Variants in CRY1 observed in about 807,000 individuals in gnomAD.
CRY1 encodes cryptochrome-1.
Under a neutral mutation model 76.0 loss-of-function variants are expected in CRY1, and 45 were observed. The observed-to-expected ratio is 0.59, with a 90% CI of 0.47 to 0.76. The LOEUF is 0.76. Ranked by LOEUF, CRY1 falls within the 30% of genes least tolerant of loss-of-function variation. The pLI is 0.00. For synonymous variants in CRY1, 248 were observed against 244.0 expected, an observed-to-expected ratio of 1.02 and a Z score of -0.15; for missense variants, 587 against 716.4, an observed-to-expected ratio of 0.82 and a Z score of 2.06.
At chr12:106,992,644 T>C in intron 12 of CRY1, 143 bp downstream of exon 12, 1 of 723,356 alleles carries the variant, frequency 1.4e-6, no homozygotes, top group South Asian at 1.9e-5. Flanking sequence ...AAAAATTAAC[T>C]GAGTTTGTAA....
chr12:107,075,540 T>TGCGGG (rs1478122334), intron 1 of CRY1, among the ~76,000 whole-genome samples: 1 of 152,160 alleles, frequency 6.6e-6, no homozygotes, highest in Non-Finnish European at 1.5e-5. Context: ...AATATCAGTC[T>TGCGGG]GCGGGTGTAA....
intron 1 of CRY1, among the ~76,000 whole-genome samples, chr12:107,025,300 T>C (rs1206481602): frequency 6.6e-6 from 1 of 152,232 alleles, no homozygotes; most frequent in African/African-American, 2.4e-5. Flanking sequence ...GTTTAATACA[T>C]GGTGAACGTC....
intron 1 of CRY1, among the ~76,000 whole-genome samples, chr12:107,045,377 C>T (rs1401756524): frequency 6.6e-6 from 1 of 152,104 alleles, no homozygotes; most frequent in Admixed American, 6.6e-5. Flanking sequence ...TTCTCAAGGG[C>T]AGCCGGGTGC....
chr12:107,064,116 G>A lies in CRY1; in HGVS notation c.158+28688C>T, dbSNP rs138826082. 1.9e-3 allele frequency among the ~76,000 whole-genome samples: 289 copies of A among 152,188 alleles called. 2 individuals carry two copies. Among genetic ancestry groups the A allele is most frequent in the Non-Finnish European group, 3.6e-3 (248 of 68,008 alleles). On this transcript the variant is annotated intron_variant, in intron 1 of 12. Coordinates refer to ENST00000008527, the MANE Select transcript of CRY1 (RefSeq NM_004075.5). ...TGTAATTATAGAAATATTCTATTACGACCGGGATGGAATACTATTCGACCT... is the reference window on the plus strand; with the variant it reads ...TGTAATTATAGAAATATTCTATTACAACCGGGATGGAATACTATTCGACCT...
intron 1 of CRY1, among the ~76,000 whole-genome samples, chr12:107,060,159 T>C (rs575203742): frequency 2.4e-4 from 36 of 152,236 alleles, no homozygotes; most frequent in Non-Finnish European, 4.4e-4. Context: ...TCTCATTTAA[T>C]ACTCAAACAA....
At chr12:107,088,539 A>G (rs1953430606) in intron 1 of CRY1, among the ~76,000 whole-genome samples, 2 of 152,226 alleles carry the variant, frequency 1.3e-5, no homozygotes, top group South Asian at 4.1e-4. Flanking sequence ...CCCTTCTGCC[A>G]TGTGAGGAGA....
intron 1 of CRY1, among the ~76,000 whole-genome samples, chr12:107,073,305 G>C (rs1301246200): frequency 6.6e-6 from 1 of 151,354 alleles, no homozygotes; most frequent in Non-Finnish European, 1.5e-5. Context: ...GCGTGATCTC[G>C]GCTCACTGCA....
intron 1 of CRY1, among the ~76,000 whole-genome samples, chr12:107,072,772 T>C (rs906529471): frequency 6.6e-6 from 1 of 152,232 alleles, no homozygotes; most frequent in Non-Finnish European, 1.5e-5. Flanking sequence ...TTGTATTTCT[T>C]ATCTTCTTAT....
intron 2 of CRY1, among the ~76,000 whole-genome samples, chr12:107,012,696 T>C (rs1198750326): frequency 6.6e-6 from 1 of 152,152 alleles, no homozygotes; most frequent in Non-Finnish European, 1.5e-5. Context: ...GCAAAGTAAA[T>C]TGAAAATCTT....
At chr12:107,067,085 A>T (rs1480786108) in intron 1 of CRY1, among the ~76,000 whole-genome samples, 2 of 152,164 alleles carry the variant, frequency 1.3e-5, no homozygotes, top group African/African-American at 2.4e-5. Flanking sequence ...GACTCAATAA[A>T]ACAAATAGGA....
intron 1 of CRY1, among the ~76,000 whole-genome samples, chr12:107,022,594 G>GA: frequency 6.6e-6 from 1 of 150,814 alleles, no homozygotes. Flanking sequence ...CTGCTGGGGG[G>GA]AAAAAACCAG....
chr12:107,075,454 T>C (rs766498913), intron 1 of CRY1, among the ~76,000 whole-genome samples: 1 of 152,128 alleles, frequency 6.6e-6, no homozygotes, highest in Admixed American at 6.6e-5. Context: ...GAAAAAAATG[T>C]ACTAAAGGAA....
chr12:107,085,960 A>C (rs1356664363), intron 1 of CRY1, among the ~76,000 whole-genome samples: 1 of 152,180 alleles, frequency 6.6e-6, no homozygotes, highest in Non-Finnish European at 1.5e-5. Context: ...TTGTGATAAA[A>C]ATGCTGATTA....
chr12:107,091,443 T>C (rs1339155676), intron 1 of CRY1, among the ~76,000 whole-genome samples: 1 of 152,162 alleles, frequency 6.6e-6, no homozygotes, highest in African/African-American at 2.4e-5. Flanking sequence ...CGATTATTAC[T>C]ATGATTCAAG....
At chr12:107,058,505 C>G (rs535873528) in intron 1 of CRY1, among the ~76,000 whole-genome samples, 1 of 152,248 alleles carries the variant, frequency 6.6e-6, no homozygotes, top group African/African-American at 2.4e-5. Context: ...AAATTCCTTA[C>G]AAGCCAGTAA....
chr12:107,058,524 A>AT (rs1953011642), intron 1 of CRY1, among the ~76,000 whole-genome samples: 1 of 152,208 alleles, frequency 6.6e-6, no homozygotes, highest in African/African-American at 2.4e-5. Context: ...AAGTGTGCTT[A>AT]CTTTCCTCAG....
intron 5 of CRY1, 95 bp downstream of exon 5, chr12:107,001,185 A>G (rs1252628281): frequency 1.3e-5 from 12 of 913,992 alleles, no homozygotes; most frequent in Non-Finnish European, 2.0e-5. Flanking sequence ...CTCCCCTTTC[A>G]ACAATCTATT....
intron 1 of CRY1, among the ~76,000 whole-genome samples, chr12:107,056,486 G>A (rs1593529035): frequency 6.6e-6 from 1 of 152,128 alleles, no homozygotes; most frequent in East Asian, 1.9e-4. Flanking sequence ...CCCAACCTGT[G>A]GCCTGCGGGC....
chr12:107,009,583 TATATATATATATATATATAA>T (rs138735553), intron 2 of CRY1, among the ~76,000 whole-genome samples: 17,248 of 114,432 alleles, frequency 0.15, 2,660 homozygotes, highest in African/African-American at 0.36. Context: ...TATATATATA[TATATATATATATATATATAA>T]AATCTCTATA....
Sources: allele counts gnomAD v4.1 joint callset (sites outside exome capture counted in the v4.1 genomes callset), GRCh38; gene constraint gnomAD v4.1.1; transcripts MANE v1.5; gene names NCBI Gene and HGNC (gene_info 2026-07-23, HGNC 2026-07-21).